Variants in PCDHGA12 observed in about 807,000 individuals in gnomAD.
PCDHGA12 encodes the protein protocadherin gamma subfamily A, 12.
Under a neutral mutation model 61.1 loss-of-function variants are expected in PCDHGA12, and 43 were observed. The observed-to-expected ratio is 0.70, with a 90% confidence interval of 0.55 to 0.91. The LOEUF is 0.91. PCDHGA12 is among the 40% of genes least tolerant of loss of function. The pLI is 0.00. For missense variants in PCDHGA12, 1,236 were observed against 1,227.7 expected (o/e 1.01, Z -0.10); for synonymous variants, 520 against 542.9 (o/e 0.96, Z 0.59).
chr5:141,453,323 G>A (rs1313870724), intron 1 of PCDHGA12, among the ~76,000 whole-genome samples: 1 of 151,482 alleles, frequency 6.6e-6, no homozygotes, highest in Non-Finnish European at 1.5e-5. Context: ...TTTAGAGATG[G>A]GGTCTCACTA....
Position 141,489,322 on chromosome 5 carries a change from T to G in PCDHGA12, c.2425-5485T>G. 1.9e-6 allele frequency: 3 copies of G among 1,601,052 alleles called. No homozygotes were observed. The highest frequency in any genetic ancestry group is 2.2e-5 in the East Asian group (1 of 44,726). On this transcript the variant is annotated intron_variant, in intron 1 of 3. Transcript: ENST00000252085. This position sits in a 1 kb window ranked among gnomAD's most constrained non-coding sequence, Gnocchi z 4.5. The stretch of plus-strand genomic sequence containing the variant: ...GTCCTTGTGCTGCTGGGGCTGGGTG[T>G]CTGGGCAGCTTCGTTACTCAGTGGT...
intron 2 of PCDHGA12, among the ~76,000 whole-genome samples, chr5:141,502,827 A>G (rs1003204508): frequency 2.7e-5 from 4 of 150,478 alleles, no homozygotes; most frequent in African/African-American, 9.8e-5. Flanking sequence ...TCCTTGGGGA[A>G]GCCTGGACTG....
At chr5:141,470,428 T>A (rs974038419) in intron 1 of PCDHGA12, among the ~76,000 whole-genome samples, 1 of 152,254 alleles carries the variant, frequency 6.6e-6, no homozygotes, top group Non-Finnish European at 1.5e-5. Flanking sequence ...TTTTTCCTTG[T>A]GTGCAATAAT....
At chr5:141,467,597 A>T (rs2099147099) in intron 1 of PCDHGA12, among the ~76,000 whole-genome samples, 1 of 152,136 alleles carries the variant, frequency 6.6e-6, no homozygotes, top group Non-Finnish European at 1.5e-5. Flanking sequence ...TTTATTAAGC[A>T]CTTCATCTTT....
chr5:141,505,597 T>C, intron 3 of PCDHGA12, 116 bp downstream of exon 3: 1 of 1,558,330 alleles, frequency 6.4e-7, no homozygotes, highest in Non-Finnish European at 8.7e-7. Context: ...TCCAGATCTT[T>C]CGGCAGGTCT....
chr5:141,479,651 C>A (rs56818742), intron 1 of PCDHGA12: 43,954 of 152,194 alleles, frequency 0.29, 6,853 homozygotes, highest in African/African-American at 0.41. Flanking sequence ...ACAACAACAA[C>A]AATCCCAGAA....
chr5:141,472,281 C>A (rs944776124), intron 1 of PCDHGA12, among the ~76,000 whole-genome samples: 2 of 152,202 alleles, frequency 1.3e-5, no homozygotes, highest in Non-Finnish European at 2.9e-5. Context: ...GTGGCTCACA[C>A]CTGTAATCCC....
At chr5:141,475,600 T>A (rs1023916159) in intron 1 of PCDHGA12, among the ~76,000 whole-genome samples, 2 of 152,192 alleles carry the variant, frequency 1.3e-5, no homozygotes, top group Admixed American at 1.3e-4. Context: ...TTCCAGACAA[T>A]GTTGTGTAGT....
chr5:141,511,215 A>G lies in PCDHGA12; in HGVS notation c.*42A>G, dbSNP rs1562250541. On this transcript the variant is annotated 3_prime_UTR_variant, in exon 4 of 4. Coordinates refer to ENST00000252085, the MANE Select transcript of PCDHGA12 (RefSeq NM_003735.3). ...AGAGCCACAGGGCGGCCTCTCCCCA[A>G]CCAGCCCAGCTTCTCCTTACCTGCA... The G allele has an allele frequency of 1.2e-6, 2 of 1,608,380 alleles. No individual in the cohort carries two copies. The highest frequency in any genetic ancestry group is 2.2e-5 in the East Asian group (1 of 44,560).
At position 141,487,728 on chromosome 5, in the gene PCDHGA12, C is replaced by T. The variant is rs986276637; in HGVS notation, c.2425-7079C>T. 2 of 1,570,444 alleles carry T rather than the reference C, an allele frequency of 1.3e-6. No homozygotes were observed. Among genetic ancestry groups the T allele is most frequent in the East Asian group, 2.3e-5 (1 of 42,866 alleles). ...TCAGTAAGTGCCCATAGTGATGTCA[C>T]CATTTTTGTAAGAGGTAACTATGTG... On this transcript the variant is annotated intron_variant, in intron 1 of 3. Coordinates refer to ENST00000252085, the MANE Select transcript of PCDHGA12 (RefSeq NM_003735.3). The surrounding 1 kb of genome is among the most constrained non-coding windows in gnomAD (Gnocchi z 5.0).
chr5:141,431,513 C>G lies in PCDHGA12; in HGVS notation c.754C>G (p.Pro252Ala). ...FAQPEYRASV[P>A]ENLALGTQLL... ...TCAGCCCGAGTACCGCGCGAGCGTT[C>G]CGGAGAATCTGGCCTTGGGCACGCA... The change falls in exon 1 of 4, where the codon CCG becomes GCG. Residue 252 changes from proline to alanine, a missense_variant. Transcript: ENST00000252085. The surrounding 1 kb of genome is among the most constrained non-coding windows in gnomAD (Gnocchi z 4.8). 6.2e-7 allele frequency: 1 copy of G among 1,614,022 alleles called. No homozygotes were observed. Among genetic ancestry groups the G allele is most frequent in the South Asian group, 1.1e-5 (1 of 91,088 alleles).
chr5:141,491,503 G>C lies in PCDHGA12; in HGVS notation c.2425-3304G>C. On this transcript the variant is annotated intron_variant, in intron 1 of 3. Coordinates refer to ENST00000252085, the MANE Select transcript of PCDHGA12 (RefSeq NM_003735.3). The surrounding 1 kb of genome is among the most constrained non-coding windows in gnomAD (Gnocchi z 6.9). ...CCCCAACCTGCAGGTGAGCTCGGACGGCACGCTCAAGTACATGGAGGTGAC... is the reference window on the plus strand; with the variant it reads ...CCCCAACCTGCAGGTGAGCTCGGACCGCACGCTCAAGTACATGGAGGTGAC... The C allele has an allele frequency of 6.2e-7, 1 of 1,614,030 alleles. No homozygotes were observed.
chr5:141,481,658 T>C (rs910422064), intron 1 of PCDHGA12, among the ~76,000 whole-genome samples: 2 of 150,554 alleles, frequency 1.3e-5, no homozygotes, highest in East Asian at 2.0e-4. Context: ...TCTCTACTAA[T>C]AATACAAAAA....
chr5:141,509,350 G>C (rs2099876432), intron 3 of PCDHGA12, among the ~76,000 whole-genome samples: 5 of 152,142 alleles, frequency 3.3e-5, no homozygotes. Flanking sequence ...GGGCTGGCCT[G>C]GGCATCCCTG....
At chr5:141,481,327 T>C (rs2099535776) in intron 1 of PCDHGA12, among the ~76,000 whole-genome samples, 1 of 152,244 alleles carries the variant, frequency 6.6e-6, no homozygotes, top group Non-Finnish European at 1.5e-5. Context: ...CACTAGCCCC[T>C]GGACAACTAT....
chr5:141,447,257 A>G (rs1182682161), intron 1 of PCDHGA12, among the ~76,000 whole-genome samples: 1 of 152,080 alleles, frequency 6.6e-6, no homozygotes, highest in Non-Finnish European at 1.5e-5. Flanking sequence ...CTTCTGTCTC[A>G]GCCTCCCAAG....
intron 1 of PCDHGA12, among the ~76,000 whole-genome samples, chr5:141,439,132 G>C (rs1180893484): frequency 6.6e-6 from 1 of 151,054 alleles, no homozygotes; most frequent in African/African-American, 2.4e-5. Context: ...GACAGAGGTT[G>C]CAGTGAGCTG....
chr5:141,481,261 C>T lies in PCDHGA12; in HGVS notation c.2425-13546C>T, dbSNP rs2099534823. ...TACATAGCATAGCTCTAAAAGATCA[C>T]TGTAGGAAGACATAAAATGGTATTT... On this transcript the variant is annotated intron_variant, in intron 1 of 3. Coordinates refer to ENST00000252085, the MANE Select transcript of PCDHGA12 (RefSeq NM_003735.3). Among the ~76,000 whole-genome samples, 3 of 152,252 alleles carry T rather than the reference C, an allele frequency of 2.0e-5. No individual in the cohort carries two copies. The East Asian group carries it at 5.8e-4, about 29-fold the overall frequency.
chr5:141,432,014 A>G lies in PCDHGA12; in HGVS notation c.1255A>G (p.Asn419Asp), dbSNP rs778393699. The G allele has an allele frequency of 1.5e-5, 25 of 1,614,078 alleles. No individual in the cohort carries two copies. The highest frequency in any genetic ancestry group is 2.0e-5 in the Non-Finnish European group (24 of 1,180,036). ...GGATAGGGAACAGGTTCCTAGCTAC[A>G]ACATCACAGTGACCGCCACTGACCG... ...VLDREQVPSY[N>D]ITVTATDRGT... The change falls in exon 1 of 4, where the codon AAC becomes GAC. Residue 419 changes from asparagine to aspartate, a missense_variant. Coordinates refer to ENST00000252085, the MANE Select transcript of PCDHGA12 (RefSeq NM_003735.3). This position sits in a 1 kb window ranked among gnomAD's most constrained non-coding sequence, Gnocchi z 6.0.
Sources: gnomAD v4.1 joint callset for allele counts (sites outside exome capture counted in the v4.1 genomes callset) on GRCh38, gnomAD v4.1.1 for gene constraint, Gnocchi (gnomAD v3.1) non-coding constraint, MANE v1.5 for transcripts, NCBI Gene and HGNC (gene_info 2026-07-23, HGNC 2026-07-21) for gene names.